CAMK1D: variants seen among roughly 807,000 people sequenced by gnomAD.
CAMK1D encodes the protein calcium/calmodulin dependent protein kinase ID, also known as calcium/calmodulin-dependent protein kinase type 1D.
A neutral mutation model predicts 47.7 loss-of-function variants in CAMK1D; 9 were observed. The observed-to-expected ratio is 0.19, with a 90% CI of 0.11 to 0.33. The LOEUF is 0.33. Ranked by LOEUF, CAMK1D falls within the 10% of genes least tolerant of loss-of-function variation. CAMK1D has a pLI of 1.00. For missense variants in CAMK1D, 291 were observed against 488.7 expected, an observed-to-expected ratio of 0.60 and a Z score of 3.81; for synonymous variants, 184 against 184.9, an observed-to-expected ratio of 0.99 and a Z score of 0.04.
chr10:12,787,272 T>G (rs1326972838), intron 5 of CAMK1D, among the ~76,000 whole-genome samples: 1 of 152,194 alleles, frequency 6.6e-6, no homozygotes, highest in Non-Finnish European at 1.5e-5. Context: ...AGATTGAGGG[T>G]GAAATGTGTC....
At chr10:12,483,728 C>T (rs1034090178) in intron 1 of CAMK1D, among the ~76,000 whole-genome samples, 2 of 150,390 alleles carry the variant, frequency 1.3e-5, no homozygotes, top group African/African-American at 2.4e-5. Flanking sequence ...ACTCTGTTGC[C>T]CAGGCTGGAG....
intron 1 of CAMK1D, among the ~76,000 whole-genome samples, chr10:12,351,203 A>C (rs1837346277): frequency 6.6e-6 from 1 of 152,110 alleles, no homozygotes. Flanking sequence ...GCGCACGCTG[A>C]GGACTAGAGT....
chr10:12,405,244 A>C (rs897219654), intron 1 of CAMK1D, among the ~76,000 whole-genome samples: 1 of 152,190 alleles, frequency 6.6e-6, no homozygotes, highest in African/African-American at 2.4e-5. Flanking sequence ...GCTTCAGCCC[A>C]GCCAGCTCAT....
At chr10:12,461,687 C>CAAAAAAAAA (rs57291391) in intron 1 of CAMK1D, among the ~76,000 whole-genome samples, 1 of 90,390 alleles carries the variant, frequency 1.1e-5, no homozygotes, top group Non-Finnish European at 2.2e-5. Context: ...GGCTTCATCT[C>CAAAAAAAAA]AAAAAAAAAA....
chr10:12,591,702 TTTG>T (rs1837999661), intron 2 of CAMK1D, among the ~76,000 whole-genome samples: 1 of 152,240 alleles, frequency 6.6e-6, no homozygotes, highest in Non-Finnish European at 1.5e-5. Flanking sequence ...GGTTGGTTGG[TTTG>T]TTTTTTGAGA....
At chr10:12,595,810 C>T (rs1283315477) in intron 2 of CAMK1D, among the ~76,000 whole-genome samples, 1 of 152,142 alleles carries the variant, frequency 6.6e-6, no homozygotes, top group South Asian at 2.1e-4. Context: ...GAAAGTATTT[C>T]CTCCTGATTT....
intron 3 of CAMK1D, among the ~76,000 whole-genome samples, chr10:12,706,872 C>T (rs1028513658): frequency 6.6e-6 from 1 of 152,262 alleles, no homozygotes; most frequent in Non-Finnish European, 1.5e-5. Context: ...GGTGATAACT[C>T]GGCCCTTGGT....
chr10:12,773,663 C>T (rs1179235097), intron 5 of CAMK1D, among the ~76,000 whole-genome samples: 2 of 152,154 alleles, frequency 1.3e-5, no homozygotes, highest in Admixed American at 6.5e-5. Flanking sequence ...GAGGCAGAGG[C>T]AGGCAGATTA....
At chr10:12,407,862 C>T (rs2801487) in intron 1 of CAMK1D, among the ~76,000 whole-genome samples, 20,026 of 69,058 alleles carry the variant, frequency 0.29, 2,390 homozygotes, top group African/African-American at 0.32. Flanking sequence ...TTTTTTTTTT[C>T]TTTTTTTTTT....
chr10:12,764,381 C>CAAAAAAAAAAAAAAAAAAAAAAAAAA (rs56657709), intron 4 of CAMK1D, among the ~76,000 whole-genome samples: 1 of 77,984 alleles, frequency 1.3e-5, no homozygotes, highest in African/African-American at 4.9e-5. Context: ...CACTTTGTCT[C>CAAAAAAAAAAAAAAAAAAAAAAAAAA]AAAAAAAAAA....
chr10:12,431,267 G>C (rs1420417473), intron 1 of CAMK1D, among the ~76,000 whole-genome samples: 1 of 152,198 alleles, frequency 6.6e-6, no homozygotes, highest in Non-Finnish European at 1.5e-5. Flanking sequence ...CACCTCCACT[G>C]CTGCCCCTTG....
chr10:12,511,953 A>G (rs1170632978), intron 1 of CAMK1D, among the ~76,000 whole-genome samples: 3 of 152,212 alleles, frequency 2.0e-5, no homozygotes, highest in African/African-American at 7.2e-5. Flanking sequence ...GAGTTCACCC[A>G]CAGTGTGTTT....
chr10:12,395,044 T>C (rs1838888886), intron 1 of CAMK1D, among the ~76,000 whole-genome samples: 2 of 147,818 alleles, frequency 1.4e-5, no homozygotes, highest in South Asian at 2.1e-4. Context: ...GTTACACTTA[T>C]TTTATTTTTT....
intron 3 of CAMK1D, among the ~76,000 whole-genome samples, chr10:12,734,988 C>T (rs192460634): frequency 1.3e-5 from 2 of 152,258 alleles, no homozygotes; most frequent in African/African-American, 4.8e-5. Flanking sequence ...CACATTTGTG[C>T]AGTGGAGGTG....
chr10:12,715,891 G>A (rs1252667373), intron 3 of CAMK1D, among the ~76,000 whole-genome samples: 2 of 151,850 alleles, frequency 1.3e-5, no homozygotes, highest in African/African-American at 2.4e-5. Context: ...TGTATTTTTA[G>A]TAGAGACAGG....
At chr10:12,679,013 A>C (rs1458458662) in intron 3 of CAMK1D, among the ~76,000 whole-genome samples, 1 of 152,132 alleles carries the variant, frequency 6.6e-6, no homozygotes, top group Admixed American at 6.5e-5. Flanking sequence ...TGCCTGCCTC[A>C]GTCTCCCAAA....
intron 1 of CAMK1D, among the ~76,000 whole-genome samples, chr10:12,509,332 A>G (rs11595316): frequency 0.4 from 61,538 of 152,052 alleles, 13,037 homozygotes; most frequent in South Asian, 0.49. Flanking sequence ...CCAGTGTTTC[A>G]TCATTCCACG....
chr10:12,459,167 C>T (rs754608101), intron 1 of CAMK1D, among the ~76,000 whole-genome samples: 7 of 152,096 alleles, frequency 4.6e-5, no homozygotes, highest in African/African-American at 7.2e-5. Flanking sequence ...GCGTGAGCCA[C>T]GGTGCCGGGC....
At chr10:12,529,682 C>G (rs944923711) in intron 1 of CAMK1D, among the ~76,000 whole-genome samples, 3 of 152,160 alleles carry the variant, frequency 2.0e-5, no homozygotes, top group Non-Finnish European at 4.4e-5. Flanking sequence ...ACTCCATGTA[C>G]GGGGTCACAC....
Sources: allele counts gnomAD v4.1 joint callset (sites outside exome capture counted in the v4.1 genomes callset), GRCh38; gene constraint gnomAD v4.1.1; transcripts MANE v1.5; gene names NCBI Gene and HGNC (gene_info 2026-07-23, HGNC 2026-07-21).